Variants in PCTP observed in about 807,000 individuals in gnomAD.
The protein encoded by PCTP is START domain-containing protein 2.
In PCTP, 27 loss-of-function variants were observed where a neutral mutation model predicts 31.0. The ratio of observed to expected loss-of-function variants is 0.87; its 90% CI spans 0.64 to 1.20. The LOEUF is 1.20. Among genes scored for constraint, PCTP ranks in the 50% most tolerant of loss-of-function variants. The pLI is 0.00. For synonymous variants in PCTP, 108 were observed against 101.2 expected (o/e 1.07, Z -0.40); for missense variants, 287 against 268.2 (o/e 1.07, Z -0.49).
chr17:55,765,800 T>A (rs1388425840), intron 1 of PCTP, among the ~76,000 whole-genome samples: 2 of 152,270 alleles, frequency 1.3e-5, no homozygotes, highest in Admixed American at 1.3e-4. Context: ...GTCCTTGGGG[T>A]CCAGCCCTGA....
At chr17:55,849,491 C>T in the PCTP span, among the ~76,000 whole-genome samples, 19 of 151,922 alleles carry the variant, frequency 1.3e-4, no homozygotes, top group Non-Finnish European at 1.9e-4. Flanking sequence ...GGGGTGGTGG[C>T]GGGCACCTGT....
chr17:55,826,139 T>C (rs1905388186), downstream of PCTP, among the ~76,000 whole-genome samples: 1 of 152,178 alleles, frequency 6.6e-6, no homozygotes, highest in Non-Finnish European at 1.5e-5. Context: ...TGAGGAGTTT[T>C]TTTGTGGCTT....
chr17:55,781,500 G>C (rs532492242), downstream of PCTP, among the ~76,000 whole-genome samples: 5 of 152,272 alleles, frequency 3.3e-5, no homozygotes, highest in East Asian at 7.7e-4. Context: ...TATTAGTCCA[G>C]GTTCTCCAGA....
intron 3 of PCTP, among the ~76,000 whole-genome samples, chr17:55,821,174 CATAAT>C (rs1913101017): frequency 6.6e-6 from 1 of 152,108 alleles, no homozygotes; most frequent in Admixed American, 6.5e-5. Flanking sequence ...TTGAATAAAA[CATAAT>C]ATATCTGTAC....
At chr17:55,781,522 A>G (rs1597993960), downstream of PCTP, among the ~76,000 whole-genome samples, 1 of 152,242 alleles carries the variant, frequency 6.6e-6, no homozygotes, top group African/African-American at 2.4e-5. Context: ...AAACAAAACC[A>G]TCAGGATATA....
At chr17:55,792,532 G>A (rs1297010297) in intron 3 of PCTP, among the ~76,000 whole-genome samples, 1 of 151,894 alleles carries the variant, frequency 6.6e-6, no homozygotes, top group Non-Finnish European at 1.5e-5. Flanking sequence ...GAACTGTGCG[G>A]CCAGAAAAAA....
chr17:55,813,570 C>T (rs1466008713), intron 3 of PCTP, among the ~76,000 whole-genome samples: 1 of 152,166 alleles, frequency 6.6e-6, no homozygotes, highest in Non-Finnish European at 1.5e-5. Context: ...CTGCCTTGGC[C>T]TCCCAAGGTG....
At chr17:55,814,039 G>A (rs1912837341) in intron 3 of PCTP, among the ~76,000 whole-genome samples, 1 of 151,116 alleles carries the variant, frequency 6.6e-6, no homozygotes, top group South Asian at 2.1e-4. Flanking sequence ...GACAGAGGAA[G>A]GAAGACCCTG....
At chr17:55,755,468 G>T (rs1909960328) in intron 1 of PCTP, among the ~76,000 whole-genome samples, 1 of 152,166 alleles carries the variant, frequency 6.6e-6, no homozygotes, top group African/African-American at 2.4e-5. Flanking sequence ...TCTTGAAAGA[G>T]ATTTCAATGT....
chr17:55,840,626 C>T (rs938284185), intron 5 of PCTP, among the ~76,000 whole-genome samples: 1 of 152,192 alleles, frequency 6.6e-6, no homozygotes, highest in Non-Finnish European at 1.5e-5. Context: ...CACATATTCA[C>T]ATTACCTTTA....
chr17:55,839,326 A>G (rs1404749557), intron 5 of PCTP, among the ~76,000 whole-genome samples: 1 of 152,164 alleles, frequency 6.6e-6, no homozygotes, highest in Non-Finnish European at 1.5e-5. Flanking sequence ...GATTCCAACT[A>G]CTTTCATAAA....
chr17:55,767,736 A>G (rs549031422), intron 2 of PCTP, among the ~76,000 whole-genome samples: 11 of 142,746 alleles, frequency 7.7e-5, no homozygotes, highest in African/African-American at 2.6e-4. Context: ...AAGTGCTAGG[A>G]TTACAGGCAT....
At chr17:55,794,883 T>C (rs1912133880) in intron 3 of PCTP, among the ~76,000 whole-genome samples, 1 of 151,996 alleles carries the variant, frequency 6.6e-6, no homozygotes, top group South Asian at 2.1e-4. Context: ...TTATTAATCT[T>C]ACCACAAGAA....
In PCTP at chr17:55,773,890, G is replaced by A; in HGVS notation, c.506G>A (p.Ser169Asn). 1 of 1,603,660 alleles carries A rather than the reference G, an allele frequency of 6.2e-7. No individual in the cohort carries two copies. Among genetic ancestry groups the A allele is most frequent in the Non-Finnish European group, 8.5e-7 (1 of 1,174,538 alleles). ...ATCGAGAGTGACGGCAAGAAGGGGA[G>A]CAAAGGTAAAACCCATGGTGCCTGT... ...LAIESDGKKG[S>N]KVFMYYFDNP... Residue 169 changes from serine to asparagine, a missense_variant, in exon 4 of 6, where the codon AGC becomes AAC. Ser to Asn is a conservative substitution (Grantham distance 46). Coordinates refer to ENST00000268896, the MANE Select transcript of PCTP (RefSeq NM_021213.4).
At chr17:55,796,828 G>GA (rs1209247489) in intron 3 of PCTP, among the ~76,000 whole-genome samples, 1 of 151,638 alleles carries the variant, frequency 6.6e-6, no homozygotes, top group African/African-American at 2.4e-5. Context: ...TGGTAAAGAG[G>GA]AAAAAAAGAT....
At chr17:55,808,896 C>T (rs1263497118) in intron 3 of PCTP, among the ~76,000 whole-genome samples, 1 of 152,164 alleles carries the variant, frequency 6.6e-6, no homozygotes, top group East Asian at 1.9e-4. Context: ...AAGAGGTCAG[C>T]TAAGAATAAT....
chr17:55,792,389 A>T (rs1912028406), intron 3 of PCTP, among the ~76,000 whole-genome samples: 1 of 152,032 alleles, frequency 6.6e-6, no homozygotes, highest in South Asian at 2.1e-4. Flanking sequence ...TTTGAAAAGG[A>T]GGGAATGTAG....
At chr17:55,843,503 C>T (rs775842002), downstream of PCTP, among the ~76,000 whole-genome samples, 10 of 152,170 alleles carry the variant, frequency 6.6e-5, no homozygotes, top group Non-Finnish European at 4.4e-5. Flanking sequence ...GTGTTTCATG[C>T]GGCAGTGTCT....
intron 3 of PCTP, among the ~76,000 whole-genome samples, chr17:55,800,808 T>C (rs1424571940): frequency 6.6e-6 from 1 of 152,202 alleles, no homozygotes; most frequent in African/African-American, 2.4e-5. Flanking sequence ...ATAGGATTTC[T>C]GTGTGGACAT....
Sources: allele counts gnomAD v4.1 joint callset (sites outside exome capture counted in the v4.1 genomes callset), GRCh38; gene constraint gnomAD v4.1.1; transcripts MANE v1.5; gene names NCBI Gene and HGNC (gene_info 2026-07-23, HGNC 2026-07-21).